Variants in AGBL1 observed in about 807,000 individuals in gnomAD.
The protein encoded by AGBL1 is AGBL carboxypeptidase 1.
AGBL1 carries 130 observed loss-of-function variants against 118.9 expected under a neutral mutation model. That is an observed-to-expected ratio of 1.09 (90% CI 0.95 to 1.26). The LOEUF (loss-of-function observed/expected upper bound fraction) is 1.26. Among genes scored for constraint, AGBL1 ranks in the 50% most tolerant of loss-of-function variants. The probability of loss-of-function intolerance (pLI) is 0.00; values close to 1 mark genes in which losing one functional copy is unlikely to be tolerated. For synonymous variants in AGBL1, 555 were observed against 478.9 expected, an observed-to-expected ratio of 1.16 and a Z score of -2.08; for missense variants, 1,584 against 1,298.1, an observed-to-expected ratio of 1.22 and a Z score of -3.38.
intron 22 of AGBL1, among the ~76,000 whole-genome samples, chr15:86,835,806 G>T (rs756881858): frequency 3.3e-5 from 5 of 152,110 alleles, no homozygotes; most frequent in Non-Finnish European, 7.3e-5. Context: ...GAAGGAGGTA[G>T]GTGTGGAGCA....
At chr15:86,916,281 C>T (rs187982221), downstream of AGBL1, 3 of 152,274 alleles carry the variant, frequency 2.0e-5, no homozygotes, top group East Asian at 5.8e-4. Flanking sequence ...GCAGCCTGTC[C>T]AAGGAGGCAA....
At chr15:86,389,056 G>T (rs2081238901) in intron 17 of AGBL1, among the ~76,000 whole-genome samples, 1 of 152,084 alleles carries the variant, frequency 6.6e-6, no homozygotes, top group African/African-American at 2.4e-5. Flanking sequence ...AAATGTATCG[G>T]TAATAACTGA....
At chr15:86,759,706 A>C (rs1251773631) in intron 22 of AGBL1, among the ~76,000 whole-genome samples, 2 of 152,144 alleles carry the variant, frequency 1.3e-5, no homozygotes, top group African/African-American at 2.4e-5. Context: ...AAGAACATTA[A>C]AATCTTTGAC....
intron 22 of AGBL1, among the ~76,000 whole-genome samples, chr15:86,822,084 A>G (rs2078949884): frequency 6.6e-6 from 1 of 152,188 alleles, no homozygotes; most frequent in African/African-American, 2.4e-5. Flanking sequence ...GCCCTGAAGT[A>G]CAGGGATTTA....
chr15:86,381,388 T>C (rs893457857), intron 17 of AGBL1, among the ~76,000 whole-genome samples: 2 of 151,814 alleles, frequency 1.3e-5, no homozygotes, highest in African/African-American at 4.9e-5. Context: ...AATAGTTTCT[T>C]TTCATGTTTT....
At chr15:86,347,264 T>A (rs977316260) in intron 17 of AGBL1, among the ~76,000 whole-genome samples, 2 of 152,226 alleles carry the variant, frequency 1.3e-5, no homozygotes, top group Admixed American at 1.3e-4. Flanking sequence ...CCCATCTTAC[T>A]AACTTTTTAA....
chr15:86,313,570 A>G (rs1316694221), intron 17 of AGBL1, among the ~76,000 whole-genome samples: 5 of 152,244 alleles, frequency 3.3e-5, no homozygotes, highest in Admixed American at 2.0e-4. Context: ...GGCAACTTAC[A>G]TAGTTTAATT....
At chr15:86,525,539 T>TAGAC (rs2083251624) in intron 19 of AGBL1, among the ~76,000 whole-genome samples, 1 of 152,108 alleles carries the variant, frequency 6.6e-6, no homozygotes, top group South Asian at 2.1e-4. Flanking sequence ...AGTAGGCACA[T>TAGAC]AGACCAATGG....
intron 18 of AGBL1, among the ~76,000 whole-genome samples, chr15:86,495,015 A>G (rs1001884326): frequency 6.6e-6 from 1 of 151,680 alleles, no homozygotes; most frequent in African/African-American, 2.4e-5. Flanking sequence ...TCACAATCCA[A>G]TTTTCATCCT....
At chr15:86,129,728 CA>C (rs1351862925) in intron 1 of AGBL1, among the ~76,000 whole-genome samples, 2 of 152,048 alleles carry the variant, frequency 1.3e-5, no homozygotes, top group African/African-American at 4.8e-5. Context: ...CCCTCTTTCC[CA>C]TTAAAAAAAT....
intron 22 of AGBL1, among the ~76,000 whole-genome samples, chr15:86,903,524 T>G (rs2141585601): frequency 6.6e-6 from 1 of 152,368 alleles, no homozygotes; most frequent in South Asian, 2.1e-4. Flanking sequence ...TTGGCATGTC[T>G]TGATTATCCT....
intron 22 of AGBL1, among the ~76,000 whole-genome samples, chr15:86,691,915 C>T (rs1457038980): frequency 1.3e-5 from 2 of 151,946 alleles, no homozygotes; most frequent in South Asian, 2.1e-4. Context: ...AATCATTAAC[C>T]TTTAAGGTGG....
At chr15:86,369,153 CATGTT>C (rs1471937013) in intron 17 of AGBL1, among the ~76,000 whole-genome samples, 12 of 152,074 alleles carry the variant, frequency 7.9e-5, no homozygotes, top group Non-Finnish European at 1.3e-4. Context: ...AGATGACAGG[CATGTT>C]ATATGAGGAA....
At chr15:86,297,141 G>T (rs1160380998) in intron 17 of AGBL1, 1 of 152,064 alleles carries the variant, frequency 6.6e-6, no homozygotes, top group Non-Finnish European at 1.5e-5. Flanking sequence ...ATCAAAAGAG[G>T]CTGGTTTCTG....
chr15:86,113,478 G>C (rs1897563544), intron 1 of AGBL1, among the ~76,000 whole-genome samples: 1 of 151,616 alleles, frequency 6.6e-6, no homozygotes, highest in African/African-American at 2.4e-5. Context: ...TAGAGATGGG[G>C]TTTCACCATG....
intron 1 of AGBL1, among the ~76,000 whole-genome samples, chr15:86,089,018 A>G (rs1371889756): frequency 2.0e-5 from 3 of 152,226 alleles, no homozygotes; most frequent in Non-Finnish European, 4.4e-5. Context: ...TGACTAATAA[A>G]ATGAATGTGC....
intron 22 of AGBL1, among the ~76,000 whole-genome samples, chr15:86,893,139 G>A (rs574410656): frequency 5.9e-5 from 9 of 152,264 alleles, no homozygotes; most frequent in East Asian, 1.9e-4. Flanking sequence ...CCAGAGTTGC[G>A]TTTCATTAGA....
chr15:86,480,946 A>G (rs1216183599), intron 18 of AGBL1, among the ~76,000 whole-genome samples: 1 of 152,046 alleles, frequency 6.6e-6, no homozygotes, highest in African/African-American at 2.4e-5. Context: ...GCTTATTCCA[A>G]TAGCAAAAGT....
chr15:86,314,137 A>G (rs1358054499), intron 17 of AGBL1, among the ~76,000 whole-genome samples: 5 of 152,216 alleles, frequency 3.3e-5, no homozygotes, highest in African/African-American at 7.2e-5. Context: ...AGGTTTGGAT[A>G]TGCCCAAGGG....
Sources: gnomAD v4.1 joint callset for allele counts (sites outside exome capture counted in the v4.1 genomes callset) on GRCh38, gnomAD v4.1.1 for gene constraint, MANE v1.5 for transcripts, NCBI Gene and HGNC (gene_info 2026-07-23, HGNC 2026-07-21) for gene names.